Variants in OCA2 observed in about 807,000 individuals in gnomAD.
The protein encoded by OCA2 is P protein.
OCA2 carries 77 observed loss-of-function variants against 100.2 expected under a neutral mutation model. The ratio of observed to expected loss-of-function variants is 0.77; its 90% CI spans 0.64 to 0.93. OCA2 has a LOEUF of 0.93. Ranked by LOEUF, OCA2 falls within the 40% of genes least tolerant of loss-of-function variation. The pLI, the probability that OCA2 is intolerant of heterozygous loss-of-function variation, is 0.00. For synonymous variants in OCA2, 432 were observed against 439.2 expected, an observed-to-expected ratio of 0.98 and a Z score of 0.21; for missense variants, 1,062 against 1,089.1, an observed-to-expected ratio of 0.98 and a Z score of 0.35.
At chr15:27,966,635 A>G in intron 15 of OCA2, 55 bp downstream of exon 15, 1 of 1,605,464 alleles carries the variant, frequency 6.2e-7, no homozygotes, top group East Asian at 2.2e-5. Context: ...CCTGGTAAAC[A>G]AACAATATTA....
chr15:27,891,326 C>T (rs1320495869), intron 19 of OCA2, among the ~76,000 whole-genome samples: 1 of 152,038 alleles, frequency 6.6e-6, no homozygotes, highest in Non-Finnish European at 1.5e-5. Context: ...ATAAATGAAT[C>T]AAAATAGAAC....
At chr15:28,037,504 CT>C (rs1344546479) in intron 2 of OCA2, among the ~76,000 whole-genome samples, 3 of 152,138 alleles carry the variant, frequency 2.0e-5, no homozygotes, top group Non-Finnish European at 4.4e-5. Context: ...ACTTGGGGCC[CT>C]TCACTCTCTG....
chr15:28,082,933 A>AT (rs2044698724), intron 1 of OCA2, among the ~76,000 whole-genome samples: 1 of 151,966 alleles, frequency 6.6e-6, no homozygotes, highest in Non-Finnish European at 1.5e-5. Flanking sequence ...TCACCATTTT[A>AT]TTTTTTGCAT....
chr15:27,892,023 A>G (rs1396219049), intron 19 of OCA2, among the ~76,000 whole-genome samples: 1 of 152,166 alleles, frequency 6.6e-6, no homozygotes, highest in Non-Finnish European at 1.5e-5. Context: ...AGATACAACA[A>G]TCCTAAATAT....
At chr15:27,877,571 A>G (rs2036842796) in intron 19 of OCA2, among the ~76,000 whole-genome samples, 1 of 151,888 alleles carries the variant, frequency 6.6e-6, no homozygotes, top group Non-Finnish European at 1.5e-5. Context: ...GTCCCTCATT[A>G]TTTCCAATTA....
intron 21 of OCA2, among the ~76,000 whole-genome samples, chr15:27,858,736 A>C (rs1314188691): frequency 3.3e-5 from 5 of 152,158 alleles, no homozygotes; most frequent in African/African-American, 1.2e-4. Flanking sequence ...AAGGAGAAAT[A>C]GATATTTCTA....
intron 2 of OCA2, among the ~76,000 whole-genome samples, chr15:28,072,617 C>T (rs986852721): frequency 4.1e-5 from 6 of 144,704 alleles, no homozygotes; most frequent in Non-Finnish European, 7.6e-5. Flanking sequence ...AAACAAGTAA[C>T]CCCATTAAAA....
At chr15:28,015,017 C>CAAATGG in intron 8 of OCA2, 88 bp from the exon 9 acceptor site, 1 of 1,359,638 alleles carries the variant, frequency 7.4e-7, no homozygotes, top group Non-Finnish European at 1.0e-6. Flanking sequence ...AACCAGAGTG[C>CAAATGG]AAATGGAACA....
At chr15:27,747,307 A>G in the OCA2 span, among the ~76,000 whole-genome samples, 20 of 152,350 alleles carry the variant, frequency 1.3e-4, no homozygotes, top group Non-Finnish European at 2.4e-4. Context: ...CCTGCAGAAA[A>G]TGTAAAAGTC....
chr15:28,053,792 C>T (rs548448596), intron 2 of OCA2, among the ~76,000 whole-genome samples: 9 of 152,344 alleles, frequency 5.9e-5, no homozygotes, highest in East Asian at 1.9e-4. Context: ...AGCGCAACCA[C>T]GGGCAGGAAT....
At chr15:27,888,908 A>C (rs1297540088) in intron 19 of OCA2, among the ~76,000 whole-genome samples, 2 of 152,202 alleles carry the variant, frequency 1.3e-5, no homozygotes, top group Non-Finnish European at 2.9e-5. Flanking sequence ...CAAAAATGTA[A>C]ACGAGACCTG....
At chr15:28,003,017 C>T (rs902865918) in intron 9 of OCA2, among the ~76,000 whole-genome samples, 3 of 152,226 alleles carry the variant, frequency 2.0e-5, no homozygotes, top group African/African-American at 7.2e-5. Context: ...CATCCGAAAC[C>T]TCCTGGCTGT....
intron 23 of OCA2, among the ~76,000 whole-genome samples, chr15:27,843,632 T>C (rs12101688): frequency 0.099 from 15,031 of 152,172 alleles, 1,710 homozygotes; most frequent in African/African-American, 0.27. Context: ...AGACGCACAT[T>C]CAGCGTCCCC....
chr15:28,055,720 C>T (rs1262299238), intron 2 of OCA2, among the ~76,000 whole-genome samples: 1 of 152,200 alleles, frequency 6.6e-6, no homozygotes, highest in Non-Finnish European at 1.5e-5. Flanking sequence ...CAGGGAAGGC[C>T]GGCTCCCTCA....
intron 23 of OCA2, among the ~76,000 whole-genome samples, chr15:27,763,303 T>G (rs1389408477): frequency 1.3e-5 from 2 of 152,174 alleles, no homozygotes; most frequent in African/African-American, 4.8e-5. Context: ...AAAAATATTT[T>G]TTAAAACATT....
intron 23 of OCA2, among the ~76,000 whole-genome samples, chr15:27,814,765 C>T (rs2034213453): frequency 6.6e-6 from 1 of 152,072 alleles, no homozygotes; most frequent in African/African-American, 2.4e-5. Flanking sequence ...GTAATCTCAG[C>T]TACTCAGGTG....
chr15:27,871,787 GCTTTT>G, intron 20 of OCA2, 71 bp downstream of exon 20: 1 of 1,013,524 alleles, frequency 9.9e-7, no homozygotes, highest in Non-Finnish European at 1.5e-6. Context: ...TTACCAGAGT[GCTTTT>G]TTTTTTTAAT....
intron 16 of OCA2, among the ~76,000 whole-genome samples, chr15:27,955,670 G>T (rs1254540756): frequency 1.3e-5 from 2 of 151,956 alleles, no homozygotes; most frequent in Non-Finnish European, 2.9e-5. Flanking sequence ...CTTTAATGTT[G>T]TTTTTTATCA....
Position 27,861,832 on chromosome 15 carries a change from G to T in OCA2, c.2244+9322C>A, listed in dbSNP as rs369760944. On this transcript the variant is annotated intron_variant, in intron 21 of 23. Transcript: ENST00000354638. ...GAGTGGCGGGAAGGCCTGGAGACAC[G>T]GCAGCAAGTCTGGATCCGCCTGCGA... 3.6e-4 allele frequency among the ~76,000 whole-genome samples: 55 copies of T among 152,226 alleles called. 1 individual carries two copies. The East Asian group carries it at 0.011, about 29-fold the overall frequency.
Sources: allele counts gnomAD v4.1 joint callset (sites outside exome capture counted in the v4.1 genomes callset), GRCh38; gene constraint gnomAD v4.1.1; transcripts MANE v1.5; gene names NCBI Gene and HGNC (gene_info 2026-07-23, HGNC 2026-07-21).